Variants in ZC3HAV1 observed in about 807,000 individuals in gnomAD.
The protein encoded by ZC3HAV1 is zinc finger CCCH-type antiviral protein 1.
A neutral mutation model predicts 86.6 loss-of-function variants in ZC3HAV1; 41 were observed. That is an observed-to-expected ratio of 0.47 (90% CI 0.37 to 0.61). The LOEUF (loss-of-function observed/expected upper bound fraction) is 0.61, where lower values mean the gene tolerates loss of function less well. Ranked by LOEUF, ZC3HAV1 falls within the 20% of genes least tolerant of loss-of-function variation. The pLI is 0.00. For synonymous variants in ZC3HAV1, 421 were observed against 432.1 expected (o/e 0.97, Z 0.32); for missense variants, 964 against 1,141.1 (o/e 0.84, Z 2.24).
chr7:139,109,139 C>T lies in ZC3HAV1; in HGVS notation c.193G>A (p.Val65Met), dbSNP rs1818028269. The change falls in exon 1 of 13, where the codon GTG becomes ATG. Residue 65 changes from valine to methionine, a missense_variant. Physicochemically the swap from Val to Met is conservative, Grantham distance 21. Coordinates refer to ENST00000242351, the MANE Select transcript of ZC3HAV1 (RefSeq NM_020119.4). ...GGEAGITRSV[V>M]ATTRARVCRR... The stretch of plus-strand genomic sequence containing the variant: ...CAGACCCGGGCTCGAGTGGTGGCCA[C>T]CACCGATCGGGTGATCCCGGCCTCG... The T allele has an allele frequency of 9.4e-6, 15 of 1,591,796 alleles. No homozygotes were observed. The highest frequency in any genetic ancestry group is 1.3e-5 in the Non-Finnish European group (15 of 1,169,310).
intron 1 of ZC3HAV1, among the ~76,000 whole-genome samples, chr7:139,103,156 T>C (rs1309618182): frequency 6.6e-6 from 1 of 151,014 alleles, no homozygotes; most frequent in African/African-American, 2.4e-5. Flanking sequence ...TCCTTCTGCC[T>C]CAGCCTCCAG....
intron 1 of ZC3HAV1, among the ~76,000 whole-genome samples, chr7:139,103,056 T>C (rs1817823218): frequency 6.6e-6 from 1 of 150,554 alleles, no homozygotes; most frequent in Admixed American, 6.6e-5. Context: ...AAAATTTTTT[T>C]GGAGACAGAG....
chr7:139,084,821 AC>A (rs1376430511), intron 2 of ZC3HAV1, among the ~76,000 whole-genome samples: 1 of 152,218 alleles, frequency 6.6e-6, no homozygotes, highest in African/African-American at 2.4e-5. Flanking sequence ...AAATGAGGAA[AC>A]CAATATAATT....
chr7:139,080,383 T>C (rs1337518133), intron 3 of ZC3HAV1, 140 bp from the exon 4 acceptor site: 32 of 1,080,548 alleles, frequency 3.0e-5, no homozygotes, highest in Non-Finnish European at 3.7e-5. Context: ...TAATCTGATG[T>C]GTAAAAATCT....
chr7:139,073,826 G>A, intron 7 of ZC3HAV1, 30 bp downstream of exon 7: 1 of 1,571,222 alleles, frequency 6.4e-7, no homozygotes, highest in Non-Finnish European at 8.7e-7. Flanking sequence ...GTTTAAACAA[G>A]AGCCCCCTAC....
chr7:139,054,227 CT>C, intron 10 of ZC3HAV1, 132 bp from the exon 11 acceptor site: 3 of 921,980 alleles, frequency 3.3e-6, no homozygotes, highest in Non-Finnish European at 4.5e-6. Flanking sequence ...GATGAGCTGG[CT>C]TAGGGTTCCC....
chr7:139,056,410 C>CTTTTTT (rs143452325), intron 9 of ZC3HAV1, among the ~76,000 whole-genome samples: 5 of 132,106 alleles, frequency 3.8e-5, no homozygotes, highest in Admixed American at 7.7e-5. Flanking sequence ...TTTTTCTTTT[C>CTTTTTT]TTTTCTTTTT....
intron 1 of ZC3HAV1, among the ~76,000 whole-genome samples, chr7:139,099,519 G>T (rs1228248384): frequency 6.6e-6 from 1 of 152,192 alleles, no homozygotes; most frequent in African/African-American, 2.4e-5. Flanking sequence ...GTTAGAGATC[G>T]CCAGGGGCTG....
intron 3 of ZC3HAV1, among the ~76,000 whole-genome samples, chr7:139,082,250 C>T (rs1371937148): frequency 6.6e-6 from 1 of 151,098 alleles, no homozygotes; most frequent in Non-Finnish European, 1.5e-5. Flanking sequence ...GCCTGGGTGA[C>T]AGAGTGAGAC....
intron 1 of ZC3HAV1, among the ~76,000 whole-genome samples, chr7:139,102,638 T>A (rs1209569068): frequency 6.6e-6 from 1 of 151,678 alleles, no homozygotes; most frequent in Non-Finnish European, 1.5e-5. Context: ...ATGCCTGTAA[T>A]CCCAGCAGTT....
chr7:139,076,769 G>C (rs886713330), intron 5 of ZC3HAV1, among the ~76,000 whole-genome samples: 1 of 152,070 alleles, frequency 6.6e-6, no homozygotes, highest in East Asian at 1.9e-4. Context: ...GTGGGTGCCT[G>C]TAATCCCAGC....
intron 1 of ZC3HAV1, among the ~76,000 whole-genome samples, chr7:139,091,163 C>T (rs1326817092): frequency 1.3e-5 from 2 of 151,362 alleles, no homozygotes; most frequent in Non-Finnish European, 3.0e-5. Flanking sequence ...TTATCAATCC[C>T]GGAGGAAAGA....
At chr7:139,096,513 T>G (rs796775146) in intron 1 of ZC3HAV1, among the ~76,000 whole-genome samples, 2 of 152,206 alleles carry the variant, frequency 1.3e-5, no homozygotes, top group African/African-American at 4.8e-5. Context: ...GGTAGAAGCC[T>G]CTAGAATTGT....
intron 7 of ZC3HAV1, among the ~76,000 whole-genome samples, chr7:139,070,526 C>T (rs1046561641): frequency 6.6e-5 from 10 of 151,200 alleles, no homozygotes; most frequent in Non-Finnish European, 1.0e-4. Flanking sequence ...TAGCTGGGCG[C>T]GGTGGCGGGC....
At chr7:139,099,866 G>A (rs1421141179) in intron 1 of ZC3HAV1, among the ~76,000 whole-genome samples, 1 of 151,996 alleles carries the variant, frequency 6.6e-6, no homozygotes, top group Non-Finnish European at 1.5e-5. Context: ...GGCGGAGGTT[G>A]CAGTGAGCTG....
intron 12 of ZC3HAV1, among the ~76,000 whole-genome samples, chr7:139,050,662 G>A (rs986591451): frequency 2.6e-5 from 4 of 152,092 alleles, no homozygotes; most frequent in Admixed American, 2.6e-4. Flanking sequence ...GAGCCACAGT[G>A]CCTAGCCTAA....
chr7:139,092,138 A>G (rs541203368), intron 1 of ZC3HAV1, among the ~76,000 whole-genome samples: 84 of 151,978 alleles, frequency 5.5e-4, no homozygotes, highest in African/African-American at 1.8e-3. Flanking sequence ...GACTATTACA[A>G]GGTGATAGAT....
rs1817038355 is a variant in ZC3HAV1, at chr7:139,078,921, G to A, written c.1472-268C>T. ...TAAATGTGGCAGTTTATTCCCTGTG[G>A]TTCTACTGGTTGGCCCTTCCCTGTC... is the stretch of plus-strand genomic sequence containing the variant. On this transcript the variant is annotated intron_variant, in intron 4 of 12. Coordinates refer to ENST00000242351, the MANE Select transcript of ZC3HAV1 (RefSeq NM_020119.4). Among the ~76,000 whole-genome samples, 4 of 152,194 alleles carry A rather than the reference G, an allele frequency of 2.6e-5. No individual in the cohort carries two copies. In the South Asian group the frequency reaches 8.3e-4, roughly 32 times the overall value.
chr7:139,076,521 A>C, intron 5 of ZC3HAV1, 112 bp from the exon 6 acceptor site: 8 of 1,409,182 alleles, frequency 5.7e-6, no homozygotes, highest in Non-Finnish European at 7.8e-6. Context: ...CCTGCCAGAC[A>C]GGTTCCATCT....
Sources: allele counts gnomAD v4.1 joint callset (sites outside exome capture counted in the v4.1 genomes callset), GRCh38; gene constraint gnomAD v4.1.1; transcripts MANE v1.5; gene names NCBI Gene and HGNC (gene_info 2026-07-23, HGNC 2026-07-21).